Variants in ATG9B observed in about 807,000 individuals in gnomAD.
ATG9B encodes autophagy related 9B.
A neutral mutation model predicts 92.9 loss-of-function variants in ATG9B; 92 were observed. The observed-to-expected ratio is 0.99, with a 90% CI of 0.84 to 1.18. The LOEUF is 1.18. Among genes scored for constraint, ATG9B ranks in the 50% most tolerant of loss-of-function variants. The probability of loss-of-function intolerance (pLI) is 0.00; values close to 1 mark genes in which losing one functional copy is unlikely to be tolerated. For missense variants in ATG9B, 1,344 were observed against 1,235.0 expected, an observed-to-expected ratio of 1.09 and a Z score of -1.32; for synonymous variants, 599 against 551.4, an observed-to-expected ratio of 1.09 and a Z score of -1.21.
chr7:151,017,722 C>T (rs1444788856), intron 8 of ATG9B, 149 bp downstream of exon 8: 21 of 986,328 alleles, frequency 2.1e-5, no homozygotes, highest in Non-Finnish European at 2.8e-5. Context: ...ATCTGACAGA[C>T]GAGGGCACGA....
Position 151,024,400 on chromosome 7 carries a change from C to T in ATG9B, c.24G>A (p.Gly8=). MVSRMGW[G]GRRRRLGRWG... ...ACCGCCCCAGCCGCCTTCTTCTCCC[C>T]CCCCAGCCCATTCGGCTCACCATCA... The change falls in exon 1 of 14, where the codon GGG becomes GGA. Residue 8 remains glycine, a synonymous_variant. Transcript: ENST00000639579. The T allele has an allele frequency of 6.5e-6, 9 of 1,374,422 alleles. No individual in the cohort carries two copies. Among genetic ancestry groups the T allele is most frequent in the East Asian group, 2.7e-5 (1 of 36,864 alleles). The allele number at this position is 1,374,422 out of a possible 1,614,324, so 85.1% of individuals were successfully genotyped here. A position where few individuals can be genotyped will look rare whatever the true frequency, so the allele number is the denominator to read the frequency against.
downstream of ATG9B, chr7:151,012,789 C>G: frequency 3.0e-6 from 1 of 337,682 alleles, no homozygotes; most frequent in Non-Finnish European, 5.5e-6. Context: ...CAGAGCTGAC[C>G]GAGGTCTGTC....
downstream of ATG9B, chr7:151,014,132 C>T (rs1166111029): frequency 1.2e-6 from 2 of 1,611,612 alleles, no homozygotes; most frequent in Non-Finnish European, 1.7e-6. Context: ...GTGCCCTGGG[C>T]GTTCGACCCT....
downstream of ATG9B, chr7:151,012,664 G>A: frequency 1.7e-6 from 1 of 592,960 alleles, no homozygotes; most frequent in Non-Finnish European, 2.9e-6. Context: ...TGGCTTCCTG[G>A]TGCCTGGTAC....
Position 151,019,010 on chromosome 7 carries a change from G to C in ATG9B, c.1328C>G (p.Ala443Gly). The C allele has an allele frequency of 6.4e-7, 1 of 1,559,192 alleles. No homozygotes were observed. The highest frequency in any genetic ancestry group is 8.6e-7 in the Non-Finnish European group (1 of 1,157,798). ...ARWGRTVLLL[A>G]ALNLALSPLV... ...CGGGCTCAGCGCCAGGTTCAGGGCG[G>C]CCAGCAGCAGCACTGTGCGCCCCCA... is the stretch of plus-strand genomic sequence containing the variant. Residue 443 changes from alanine to glycine, a missense_variant, in exon 6 of 14, where the codon GCC (alanine) becomes GGC (glycine). Transcript: ENST00000639579.
At chr7:151,012,504 G>C (rs925954245), downstream of ATG9B, 2 of 1,600,864 alleles carry the variant, frequency 1.2e-6, no homozygotes, top group African/African-American at 2.7e-5. Context: ...CTGCCTGAAG[G>C]GAGTCACACA....
In ATG9B at chr7:151,016,170, G is replaced by C. The variant is rs778191409; in HGVS notation, c.2586C>G (p.Pro862=). ...GEAAASILSR[P]CSSPSQPPSP... ...AGGGTGGCTGTGAGGGGCTGGAGCAGGGCCTGGACAGGATGGAGGCTGCAG... is the reference window on the plus strand; with the variant it reads ...AGGGTGGCTGTGAGGGGCTGGAGCACGGCCTGGACAGGATGGAGGCTGCAG... The change falls in exon 12 of 14, where the codon CCC becomes CCG. Residue 862 remains proline (P), a synonymous_variant. Transcript: ENST00000639579. 3.4e-5 allele frequency: 52 copies of C among 1,537,172 alleles called. No individual in the cohort carries two copies. Among genetic ancestry groups the C allele is most frequent in the Non-Finnish European group, 4.6e-5 (52 of 1,138,950 alleles).
chr7:151,022,548 A>G (rs1795790783), intron 4 of ATG9B, among the ~76,000 whole-genome samples: 1 of 152,044 alleles, frequency 6.6e-6, no homozygotes, highest in East Asian at 1.9e-4. Flanking sequence ...AATGCACTGT[A>G]ATTAAGATAC....
intron 3 of ATG9B, 101 bp from the exon 4 acceptor site, chr7:151,023,307 G>T: frequency 6.3e-7 from 1 of 1,599,468 alleles, no homozygotes; most frequent in South Asian, 1.1e-5. Flanking sequence ...TATCCTCCCT[G>T]ACCCTGCCCC....
chr7:151,014,160 C>T (rs1795386951), downstream of ATG9B: 1 of 1,604,428 alleles, frequency 6.2e-7, no homozygotes, highest in Non-Finnish European at 8.5e-7. Flanking sequence ...CAGACACCAA[C>T]AGCCCCTGAG....
Position 151,021,317 on chromosome 7 carries a change from G to C in ATG9B, c.834C>G (p.Ser278Arg), listed in dbSNP as rs748455824. 6.2e-7 allele frequency: 1 copy of C among 1,609,654 alleles called. No individual in the cohort carries two copies. The highest frequency in any genetic ancestry group is 1.1e-5 in the South Asian group (1 of 90,432). The change falls in exon 5 of 14, where the codon AGC becomes AGG. Residue 278 changes from serine to arginine, a missense_variant. Physicochemically the swap from Ser to Arg is moderately radical, Grantham distance 110 (BLOSUM62 -1). Coordinates refer to ENST00000639579, the MANE Select transcript of ATG9B (RefSeq NM_001317056.2). ...GGACCAGGAGGAGGACCAGCAGCGG[G>C]CTGGAGCGGATCCTGTATGGGGTTG... ...SAQCAERIRS[S>R]PLLVLLLVLA...
At chr7:151,016,957 A>G (rs1795517736) in intron 9 of ATG9B, 79 bp downstream of exon 9, 2 of 1,508,124 alleles carry the variant, frequency 1.3e-6, no homozygotes, top group African/African-American at 2.8e-5. Context: ...GTTACTACCT[A>G]AGGTGAGCCT....
At chr7:151,022,751 G>A (rs2117175289) in intron 4 of ATG9B, among the ~76,000 whole-genome samples, 2 of 151,778 alleles carry the variant, frequency 1.3e-5, no homozygotes, top group South Asian at 4.2e-4. Context: ...CAGGAGAATT[G>A]CTTGAACCTG....
chr7:151,013,854 G>A (rs761923015), downstream of ATG9B: 8 of 1,603,788 alleles, frequency 5.0e-6, no homozygotes, highest in East Asian at 1.1e-4. Context: ...ACCGTGCAGC[G>A]CATCCTGGCG....
chr7:151,024,305 C>A lies in ATG9B; in HGVS notation c.119G>T (p.Cys40Phe). 7.0e-7 allele frequency: 1 copy of A among 1,426,872 alleles called. No homozygotes were observed. 88.4% of individuals were successfully genotyped at this position (1,426,872 alleles called of 1,614,324 possible). The change falls in exon 1 of 14, where the codon TGC (cysteine) becomes TTC (phenylalanine). Residue 40 changes from cysteine (C) to phenylalanine (F), a missense_variant. Physicochemically the swap from Cys to Phe is radical, Grantham distance 205 (BLOSUM62 -2). Transcript: ENST00000639579. Reference protein sequence around the residue: ...MPLPPPPPPSCRGPGGGRISI... With the variant: ...MPLPPPPPPSFRGPGGGRISI... The stretch of plus-strand genomic sequence containing the variant: ...GATCCTCCCTCCCCCAGGTCCCCGG[C>A]ATGAAGGAGGAGGAGGAGGTGGCAG...
intron 1 of ATG9B, 43 bp from the exon 2 acceptor site, chr7:151,023,773 A>G (rs1391448543): frequency 2.5e-6 from 4 of 1,613,516 alleles, no homozygotes; most frequent in Middle Eastern, 1.7e-4. Context: ...CATGTGATCA[A>G]TTCTCCACGT....
At chr7:151,013,627 CTCCGGAGACTTTCACG>C (rs1226811131), downstream of ATG9B, 15 of 1,240,200 alleles carry the variant, frequency 1.2e-5, no homozygotes, top group Non-Finnish European at 1.7e-5. Context: ...ACCAGGCCCG[CTCCGGAGACTTTCACG>C]TCCAGGGCCA....
At position 151,024,391 on chromosome 7, in the gene ATG9B, T is replaced by C. The variant is rs1487561072; in HGVS notation, c.33A>G (p.Arg11=). 7.3e-7 allele frequency: 1 copy of C among 1,377,214 alleles called. No individual in the cohort carries two copies. The highest frequency in any genetic ancestry group is 9.4e-7 in the Non-Finnish European group (1 of 1,060,752). 85.3% of individuals were successfully genotyped at this position (1,377,214 alleles called of 1,614,324 possible). The change falls in exon 1 of 14, where the codon AGA becomes AGG. Residue 11 remains arginine, a synonymous_variant. Coordinates refer to ENST00000639579, the MANE Select transcript of ATG9B (RefSeq NM_001317056.2). Reference sequence around the variant, plus strand: ...GATCTCCCCACCGCCCCAGCCGCCTTCTTCTCCCCCCCCAGCCCATTCGGC... The same window carrying C: ...GATCTCCCCACCGCCCCAGCCGCCTCCTTCTCCCCCCCCAGCCCATTCGGC... MVSRMGWGGR[R]RRLGRWGDLG... is the part of the protein sequence containing the mutation.
At position 151,016,415 on chromosome 7, in the gene ATG9B, G is replaced by T; in HGVS notation, c.2520+16C>A. 6.5e-7 allele frequency: 1 copy of T among 1,549,376 alleles called. No individual in the cohort carries two copies. Among genetic ancestry groups the T allele is most frequent in the South Asian group, 1.2e-5 (1 of 83,970 alleles). ...CCTTCTCTCCACATTTCTCCTTTGGGCACCCCTCTACTCACCTGGTGCAGG... is the reference window on the plus strand; with the variant it reads ...CCTTCTCTCCACATTTCTCCTTTGGTCACCCCTCTACTCACCTGGTGCAGG... On this transcript the variant is annotated intron_variant, in intron 11 of 13. Coordinates refer to ENST00000639579, the MANE Select transcript of ATG9B (RefSeq NM_001317056.2).
Sources: gnomAD v4.1 joint callset for allele counts (sites outside exome capture counted in the v4.1 genomes callset) on GRCh38, gnomAD v4.1.1 for gene constraint, MANE v1.5 for transcripts, NCBI Gene and HGNC (gene_info 2026-07-23, HGNC 2026-07-21) for gene names.